Variants in GPC5 observed in about 807,000 individuals in gnomAD.
GPC5 encodes the protein glypican 5, also known as glypican-5.
A neutral mutation model predicts 53.9 loss-of-function variants in GPC5; 47 were observed. That is an observed-to-expected ratio of 0.87 (90% CI 0.69 to 1.11). The LOEUF (loss-of-function observed/expected upper bound fraction) is 1.11, where lower values mean the gene tolerates loss of function less well. GPC5 is among the 50% of genes most tolerant of loss of function. The probability of loss-of-function intolerance (pLI) is 0.00; values close to 1 mark genes in which losing one functional copy is unlikely to be tolerated. For synonymous variants in GPC5, 286 were observed against 263.3 expected, an observed-to-expected ratio of 1.09 and a Z score of -0.84; for missense variants, 748 against 713.1, an observed-to-expected ratio of 1.05 and a Z score of -0.56.
chr13:91,845,220 C>A (rs907700437), intron 5 of GPC5, among the ~76,000 whole-genome samples: 1 of 151,968 alleles, frequency 6.6e-6, no homozygotes, highest in Non-Finnish European at 1.5e-5. Context: ...AAGTATAGTG[C>A]AACTTTTTAA....
rs559790569 is a variant in GPC5, at chr13:92,623,977, C to T, written c.1562-242305C>T. Among the ~76,000 whole-genome samples, 1,039 of 152,010 alleles carry T rather than the reference C, an allele frequency of 6.8e-3. 10 individuals are homozygous for T. Among genetic ancestry groups the T allele is most frequent in the African/African-American group, 0.022 (911 of 41,440 alleles). ...TCAAGCGATTCTCCTGTCTTAGCCT[C>T]CCAAGTAGCTGGCATTACAGGTGCC... On this transcript the variant is annotated intron_variant, in intron 7 of 7. Coordinates refer to ENST00000377067, the MANE Select transcript of GPC5 (RefSeq NM_004466.6).
chr13:91,904,949 C>T (rs1820242615), intron 5 of GPC5, among the ~76,000 whole-genome samples: 1 of 151,944 alleles, frequency 6.6e-6, no homozygotes, highest in Admixed American at 6.6e-5. Flanking sequence ...ATCTTGCTGC[C>T]CTCAGTCATT....
At chr13:92,839,736 G>C (rs933481137) in intron 7 of GPC5, among the ~76,000 whole-genome samples, 1 of 151,896 alleles carries the variant, frequency 6.6e-6, no homozygotes, top group Non-Finnish European at 1.5e-5. Flanking sequence ...TAATAAAATA[G>C]ACTGCTAGCT....
chr13:92,447,243 C>A (rs1877865817), intron 7 of GPC5: 1 of 152,038 alleles, frequency 6.6e-6, no homozygotes, highest in African/African-American at 2.4e-5. Context: ...CCAAAGTTTT[C>A]TTTTAGTCAT....
At chr13:92,398,910 C>T (rs908822226) in intron 7 of GPC5, among the ~76,000 whole-genome samples, 1 of 152,156 alleles carries the variant, frequency 6.6e-6, no homozygotes, top group Non-Finnish European at 1.5e-5. Flanking sequence ...CTCTCCCCCA[C>T]CTTTCCATCC....
chr13:91,553,772 A>G (rs894346177), intron 2 of GPC5, among the ~76,000 whole-genome samples: 63 of 152,218 alleles, frequency 4.1e-4, no homozygotes, highest in African/African-American at 1.4e-3. Context: ...AAGAAAAACA[A>G]TTCTCTGGAA....
intron 6 of GPC5, among the ~76,000 whole-genome samples, chr13:91,987,871 T>C (rs2040423104): frequency 6.9e-6 from 1 of 145,764 alleles, no homozygotes; most frequent in Non-Finnish European, 1.5e-5. Flanking sequence ...TATTTTATAT[T>C]ATATATTTAA....
At chr13:92,202,309 A>ATGTTTTG (rs1040991198) in intron 7 of GPC5, among the ~76,000 whole-genome samples, 11 of 152,160 alleles carry the variant, frequency 7.2e-5, no homozygotes, top group Non-Finnish European at 1.5e-4. Context: ...AGAACAGGCT[A>ATGTTTTG]TGTTTTGTGT....
chr13:91,825,851 C>T (rs531380882), intron 5 of GPC5, among the ~76,000 whole-genome samples: 3 of 152,002 alleles, frequency 2.0e-5, no homozygotes, highest in Non-Finnish European at 4.4e-5. Flanking sequence ...GGGAAGAAGC[C>T]TCAACTCTGC....
intron 7 of GPC5, among the ~76,000 whole-genome samples, chr13:92,498,370 T>C (rs1419363854): frequency 6.6e-6 from 1 of 152,126 alleles, no homozygotes; most frequent in Admixed American, 6.5e-5. Context: ...GAGGCATTTT[T>C]CCCTTTCCAG....
chr13:92,282,616 C>T (rs1004565413), intron 7 of GPC5, among the ~76,000 whole-genome samples: 1 of 152,074 alleles, frequency 6.6e-6, no homozygotes, highest in African/African-American at 2.4e-5. Flanking sequence ...GAATTTTCAA[C>T]CCAGAATTTC....
chr13:92,631,656 T>G (rs1226794109), intron 7 of GPC5, among the ~76,000 whole-genome samples: 1 of 152,152 alleles, frequency 6.6e-6, no homozygotes, highest in Admixed American at 6.5e-5. Flanking sequence ...GCCAACCTAA[T>G]AATAAAAATA....
At chr13:92,728,523 C>T (rs576681042) in intron 7 of GPC5, among the ~76,000 whole-genome samples, 1 of 151,412 alleles carries the variant, frequency 6.6e-6, no homozygotes, top group South Asian at 2.1e-4. Flanking sequence ...ACGCATCCAA[C>T]ATGAAAAACA....
At chr13:92,717,438 A>G (rs1321249477) in intron 7 of GPC5, among the ~76,000 whole-genome samples, 1 of 152,136 alleles carries the variant, frequency 6.6e-6, no homozygotes, top group African/African-American at 2.4e-5. Context: ...ATTTAATTAT[A>G]TTCAGATATT....
intron 6 of GPC5, among the ~76,000 whole-genome samples, chr13:92,131,124 C>G (rs117315886): frequency 6.6e-6 from 1 of 151,754 alleles, no homozygotes; most frequent in African/African-American, 2.4e-5. Context: ...CAAATTAAAA[C>G]GGCCTTAAAC....
intron 7 of GPC5, among the ~76,000 whole-genome samples, chr13:92,354,436 A>C (rs561563489): frequency 6.1e-4 from 93 of 152,338 alleles, no homozygotes; most frequent in Non-Finnish European, 1.0e-3. Context: ...AATTTTGACT[A>C]ATCAACAGTA....
In GPC5 at chr13:92,368,348, TA is replaced by T. The variant is rs533027311; in HGVS notation, c.1561+223362del. 9.9e-5 allele frequency among the ~76,000 whole-genome samples: 15 copies of T among 150,974 alleles called. No homozygotes were observed. The East Asian group carries it at 3.0e-3, about 30-fold the overall frequency. On this transcript the variant is annotated intron_variant, in intron 7 of 7. Coordinates refer to ENST00000377067, the MANE Select transcript of GPC5 (RefSeq NM_004466.6). ...ACTCCTAGCCTCAGAAATACAACTCTAAAGATTAAATAGGGCTGGGCGTGGT... is the reference window on the plus strand; with the variant it reads ...ACTCCTAGCCTCAGAAATACAACTCTAAGATTAAATAGGGCTGGGCGTGGT...
intron 7 of GPC5, chr13:92,241,001 TG>T (rs2139115584): frequency 6.6e-6 from 1 of 152,310 alleles, no homozygotes; most frequent in South Asian, 2.1e-4. Flanking sequence ...ACATTCTTAA[TG>T]CATAAAACTC....
chr13:92,844,716 A>G lies in GPC5; in HGVS notation c.1562-21566A>G, dbSNP rs969951387. Among the ~76,000 whole-genome samples, 3 of 152,170 alleles carry G rather than the reference A, an allele frequency of 2.0e-5. No individual in the cohort carries two copies. In the East Asian group the frequency reaches 5.8e-4, roughly 29 times the overall value. ...TTCACTTCGTATTTTGGAAATCCTG[A>G]TCAGTATTATCTATAAAACATATAA... On this transcript the variant is annotated intron_variant, in intron 7 of 7. Transcript: ENST00000377067.
Sources: allele counts gnomAD v4.1 joint callset (sites outside exome capture counted in the v4.1 genomes callset), GRCh38; gene constraint gnomAD v4.1.1; transcripts MANE v1.5; gene names NCBI Gene and HGNC (gene_info 2026-07-23, HGNC 2026-07-21).